ME1: variants seen among roughly 807,000 people sequenced by gnomAD.
ME1 encodes the protein malic enzyme 1.
Under a neutral mutation model 66.4 loss-of-function variants are expected in ME1, and 74 were observed. The ratio of observed to expected loss-of-function variants is 1.11; its 90% confidence interval spans 0.92 to 1.35. The LOEUF is 1.35. ME1 is among the 40% of genes most tolerant of loss of function. ME1 has a pLI of 0.00. For missense variants in ME1, 750 were observed against 694.1 expected, an observed-to-expected ratio of 1.08 and a Z score of -0.90; for synonymous variants, 251 against 235.6, an observed-to-expected ratio of 1.07 and a Z score of -0.60.
At chr6:83,368,570 G>A (rs1769141655) in intron 3 of ME1, among the ~76,000 whole-genome samples, 1 of 151,832 alleles carries the variant, frequency 6.6e-6, no homozygotes, top group Non-Finnish European at 1.5e-5. Context: ...GTTGCATTTA[G>A]TCCACTAACT....
chr6:83,212,020 G>A lies in ME1; in HGVS notation c.1623C>T (p.Arg541=). The change falls in exon 14 of 14, where the codon CGC becomes CGT. Residue 541 remains arginine, a synonymous_variant. Transcript: ENST00000369705. ...CATAATCAGTACTATACATCTGGGA[G>A]CGGACAAATGCTTCTTTGTTTTGCG... ...PEPQNKEAFV[R]SQMYSTDYDQ... The A allele has an allele frequency of 6.2e-7, 1 of 1,612,962 alleles. No homozygotes were observed. Among genetic ancestry groups the A allele is most frequent in the African/African-American group, 1.3e-5 (1 of 74,992 alleles).
intron 1 of ME1, among the ~76,000 whole-genome samples, chr6:83,409,795 T>C (rs1400686245): frequency 2.0e-5 from 3 of 152,212 alleles, no homozygotes; most frequent in Non-Finnish European, 4.4e-5. Context: ...TCACCACAGC[T>C]GGTGTCTAGT....
At chr6:83,430,688 T>G (rs750790579) in intron 1 of ME1, among the ~76,000 whole-genome samples, 189 bp downstream of exon 1, 1 of 152,230 alleles carries the variant, frequency 6.6e-6, no homozygotes, top group Non-Finnish European at 1.5e-5. Context: ...ATCACTCTAG[T>G]GGATACGGAC....
intron 1 of ME1, among the ~76,000 whole-genome samples, chr6:83,409,865 T>G (rs1339089780): frequency 6.6e-6 from 1 of 152,220 alleles, no homozygotes; most frequent in Admixed American, 6.5e-5. Flanking sequence ...ATTGTTACAG[T>G]TGGGCGTCCT....
chr6:83,393,212 CA>C, intron 3 of ME1: 1 of 1,155,142 alleles, frequency 8.7e-7, no homozygotes, highest in Non-Finnish European at 1.3e-6. Context: ...AGGACCCCCT[CA>C]AAGGCATCCT....
At chr6:83,333,973 C>T (rs1474238968) in intron 5 of ME1, among the ~76,000 whole-genome samples, 1 of 152,046 alleles carries the variant, frequency 6.6e-6, no homozygotes, top group Non-Finnish European at 1.5e-5. Flanking sequence ...CCAAGATGGC[C>T]GAATAGGAAC....
chr6:83,380,633 G>C (rs1769378592), intron 3 of ME1, among the ~76,000 whole-genome samples: 1 of 152,132 alleles, frequency 6.6e-6, no homozygotes, highest in African/African-American at 2.4e-5. Context: ...TTTAGTAACT[G>C]AATGAATGAT....
At chr6:83,228,684 T>C in intron 10 of ME1, 142 bp downstream of exon 10, 2 of 568,556 alleles carry the variant, frequency 3.5e-6, no homozygotes, top group Non-Finnish European at 3.1e-6. Context: ...AAAATCTAGG[T>C]CTCTACAGGG....
At chr6:83,232,597 C>A (rs1790326712) in intron 9 of ME1, among the ~76,000 whole-genome samples, 1 of 152,112 alleles carries the variant, frequency 6.6e-6, no homozygotes, top group African/African-American at 2.4e-5. Flanking sequence ...AGGGAGAAAA[C>A]AATCAAGCCA....
At chr6:83,294,502 A>G (rs999358345) in intron 6 of ME1, among the ~76,000 whole-genome samples, 3 of 151,984 alleles carry the variant, frequency 2.0e-5, no homozygotes, top group African/African-American at 7.3e-5. Flanking sequence ...CTCCCCAACA[A>G]GCAGAGCCCC....
chr6:83,379,711 A>G (rs924686425), intron 3 of ME1, among the ~76,000 whole-genome samples: 1 of 152,042 alleles, frequency 6.6e-6, no homozygotes, highest in African/African-American at 2.4e-5. Context: ...TACTAAATAC[A>G]TGTTATAACA....
At chr6:83,372,878 G>A (rs1769216473) in intron 3 of ME1, among the ~76,000 whole-genome samples, 1 of 152,138 alleles carries the variant, frequency 6.6e-6, no homozygotes, top group African/African-American at 2.4e-5. Context: ...TACATTTCCA[G>A]CTATTCACAA....
intron 13 of ME1, among the ~76,000 whole-genome samples, chr6:83,212,481 C>T (rs894077691): frequency 2.0e-5 from 3 of 152,186 alleles, no homozygotes; most frequent in African/African-American, 7.2e-5. Context: ...ATTCTCACCA[C>T]AGCCTCCTAC....
intron 1 of ME1, among the ~76,000 whole-genome samples, chr6:83,427,691 AT>A (rs1350859640): frequency 6.6e-6 from 1 of 152,158 alleles, no homozygotes; most frequent in Non-Finnish European, 1.5e-5. Context: ...CTCCTGCCCT[AT>A]GACAATCAAA....
intron 6 of ME1, among the ~76,000 whole-genome samples, chr6:83,299,037 C>G (rs964896528): frequency 1.4e-5 from 2 of 139,216 alleles, no homozygotes; most frequent in South Asian, 4.7e-4. Flanking sequence ...AGTGTGATGC[C>G]TCCAGCTTTG....
At chr6:83,235,129 A>C (rs1299262829) in intron 9 of ME1, among the ~76,000 whole-genome samples, 1 of 152,156 alleles carries the variant, frequency 6.6e-6, no homozygotes. Context: ...TTGCTTTCCA[A>C]CTTAGCTTAA....
intron 5 of ME1, among the ~76,000 whole-genome samples, chr6:83,319,098 A>C (rs573520033): frequency 1.4e-4 from 21 of 151,050 alleles, no homozygotes; most frequent in African/African-American, 4.6e-4. Flanking sequence ...GTGGGAACTG[A>C]ACAATGAGAA....
At chr6:83,330,230 C>G (rs1298543288) in intron 5 of ME1, among the ~76,000 whole-genome samples, 1 of 152,146 alleles carries the variant, frequency 6.6e-6, no homozygotes, top group Non-Finnish European at 1.5e-5. Flanking sequence ...TTTTTAAACT[C>G]AATTTATAAT....
At chr6:83,410,783 A>C (rs1027554122) in intron 1 of ME1, among the ~76,000 whole-genome samples, 1 of 152,210 alleles carries the variant, frequency 6.6e-6, no homozygotes, top group African/African-American at 2.4e-5. Context: ...AATGGCACTT[A>C]ACAACATTTA....
Sources: gnomAD v4.1 joint callset for allele counts (sites outside exome capture counted in the v4.1 genomes callset) on GRCh38, gnomAD v4.1.1 for gene constraint, MANE v1.5 for transcripts, NCBI Gene and HGNC (gene_info 2026-07-23, HGNC 2026-07-21) for gene names.